MTDH: variants seen among roughly 807,000 people sequenced by gnomAD.
The protein encoded by MTDH is protein LYRIC.
Under a neutral mutation model 72.7 loss-of-function variants are expected in MTDH, and 34 were observed. The ratio of observed to expected loss-of-function variants is 0.47; its 90% confidence interval spans 0.36 to 0.62. MTDH has a LOEUF of 0.62. Among genes scored for constraint, MTDH ranks in the 20% least tolerant of loss-of-function variants. MTDH has a pLI of 0.00. For synonymous variants in MTDH, 266 were observed against 268.9 expected (o/e 0.99, Z 0.10); for missense variants, 677 against 699.4 (o/e 0.97, Z 0.36).
At chr8:97,684,039 A>C (rs955801628) in intron 2 of MTDH, among the ~76,000 whole-genome samples, 1 of 149,822 alleles carries the variant, frequency 6.7e-6, no homozygotes, top group Non-Finnish European at 1.5e-5. Flanking sequence ...TGAACCCAGG[A>C]GGCAGGAGAA....
chr8:97,685,310 T>C (rs904485536), intron 2 of MTDH, among the ~76,000 whole-genome samples: 4 of 152,052 alleles, frequency 2.6e-5, no homozygotes, highest in African/African-American at 7.2e-5. Context: ...TGCAGCAAAA[T>C]GAACAATGCA....
rs1352162316 is a variant in MTDH at position 97,724,678 on chromosome 8, T to C, written c.*8T>C. 1 of 1,586,270 alleles carries C rather than the reference T, an allele frequency of 6.3e-7. No individual in the cohort carries two copies. Among genetic ancestry groups the C allele is most frequent in the East Asian group, 2.3e-5 (1 of 44,344 alleles). The stretch of plus-strand genomic sequence containing the variant: ...GCCAGACGAGAAACGTGAAATTTTT[T>C]TTCCTGAATTGGACATGTGTTTGCA... On this transcript the variant is annotated 3_prime_UTR_variant, in exon 12 of 12. Coordinates refer to ENST00000336273, the MANE Select transcript of MTDH (RefSeq NM_178812.4).
chr8:97,687,490 G>C lies in MTDH; in HGVS notation c.630G>C (p.Val210=). 6.2e-7 allele frequency: 1 copy of C among 1,613,536 alleles called. No individual in the cohort carries two copies. Reference sequence around the variant, plus strand: ...GACAGCAGCGTAAACGTGATAAGGTGCTGACTGATTCTGGTTCATTGGATT... The same window carrying C: ...GACAGCAGCGTAAACGTGATAAGGTCCTGACTGATTCTGGTTCATTGGATT... ...EKRQQRKRDK[V]LTDSGSLDST... is the part of the protein sequence containing the mutation. The change falls in exon 4 of 12, where the codon GTG becomes GTC. Residue 210 remains valine (V), a synonymous_variant. Transcript: ENST00000336273.
intron 1 of MTDH, among the ~76,000 whole-genome samples, chr8:97,657,126 C>A (rs1812009382): frequency 6.6e-6 from 1 of 152,108 alleles, no homozygotes; most frequent in East Asian, 1.9e-4. Context: ...CCAGCACATA[C>A]ATACAAAGTG....
chr8:97,673,141 A>G (rs540563574), intron 2 of MTDH, among the ~76,000 whole-genome samples: 5 of 152,332 alleles, frequency 3.3e-5, no homozygotes, highest in Admixed American at 6.5e-5. Context: ...TGATAAAACA[A>G]GAGCCCCTAC....
chr8:97,692,661 G>A (rs189428740), intron 6 of MTDH, among the ~76,000 whole-genome samples: 29 of 152,038 alleles, frequency 1.9e-4, no homozygotes, highest in African/African-American at 6.3e-4. Flanking sequence ...TACAGGCCAC[G>A]GCGCCCAGCC....
intron 2 of MTDH, among the ~76,000 whole-genome samples, chr8:97,678,594 C>CTTTTTTTTTTTTTTTTTTTTTTTTT (rs35895126): frequency 3.5e-5 from 3 of 85,324 alleles, no homozygotes; most frequent in South Asian, 5.1e-4. Context: ...TTCCTTCCTT[C>CTTTTTTTTTTTTTTTTTTTTTTTTT]TTTTTTTTTT....
At chr8:97,679,320 A>G (rs1249261182) in intron 2 of MTDH, among the ~76,000 whole-genome samples, 1 of 152,222 alleles carries the variant, frequency 6.6e-6, no homozygotes. Context: ...GGTAATAACA[A>G]GAACAAAATG....
At chr8:97,723,100 C>A in intron 11 of MTDH, 65 bp downstream of exon 11, 1 of 1,532,206 alleles carries the variant, frequency 6.5e-7, no homozygotes, top group Non-Finnish European at 8.8e-7. Context: ...AGGTTCTGAT[C>A]TTAAAAGTCT....
chr8:97,646,266 G>C (rs1811560235), intron 1 of MTDH, among the ~76,000 whole-genome samples: 1 of 152,188 alleles, frequency 6.6e-6, no homozygotes, highest in Non-Finnish European at 1.5e-5. Context: ...CGTTTTGCCT[G>C]CTGATTAAGA....
intron 6 of MTDH, among the ~76,000 whole-genome samples, chr8:97,693,045 ATTTC>A (rs1345424939): frequency 1.1e-4 from 16 of 151,764 alleles, no homozygotes; most frequent in Non-Finnish European, 4.4e-5. Context: ...TTTTGCGGTT[ATTTC>A]TTAAGGACAG....
chr8:97,648,570 T>G (rs1000359937), intron 1 of MTDH, among the ~76,000 whole-genome samples: 1 of 151,858 alleles, frequency 6.6e-6, no homozygotes, highest in African/African-American at 2.4e-5. Context: ...CATAGCTCAC[T>G]GCATCCTCAA....
intron 2 of MTDH, among the ~76,000 whole-genome samples, chr8:97,663,964 A>G (rs976951513): frequency 3.9e-5 from 6 of 152,100 alleles, no homozygotes; most frequent in African/African-American, 9.7e-5. Flanking sequence ...GCCTTGTATT[A>G]TTTCTAATCC....
intron 2 of MTDH, among the ~76,000 whole-genome samples, chr8:97,671,362 A>AAC (rs1374694569): frequency 6.6e-6 from 1 of 152,204 alleles, no homozygotes; most frequent in African/African-American, 2.4e-5. Context: ...ATTGAATACA[A>AAC]ACACAGATAT....
At chr8:97,647,383 G>T (rs2130905236) in intron 1 of MTDH, among the ~76,000 whole-genome samples, 1 of 152,298 alleles carries the variant, frequency 6.6e-6, no homozygotes, top group South Asian at 2.1e-4. Context: ...GCAATATAGT[G>T]AGACCTCATC....
chr8:97,670,832 C>G (rs1478312566), intron 2 of MTDH, among the ~76,000 whole-genome samples: 1 of 151,996 alleles, frequency 6.6e-6, no homozygotes, highest in Non-Finnish European at 1.5e-5. Flanking sequence ...TCTCGGGTCA[C>G]TGCAACCTCC....
rs34861225 is a variant in MTDH, at chr8:97,692,378, C to CTT, written c.1048+1199_1048+1200dup. On this transcript the variant is annotated intron_variant, in intron 6 of 11. Transcript: ENST00000336273. Reference sequence around the variant, plus strand: ...CCATATTATTCAAGAAGTAATTTTCCTTTTTTTTTTGAGATGGAGTCTCAC... The same window carrying CTT: ...CCATATTATTCAAGAAGTAATTTTCCTTTTTTTTTTTTGAGATGGAGTCTCAC... Among the ~76,000 whole-genome samples, 497 of 147,940 alleles carry CTT rather than the reference C, an allele frequency of 3.4e-3. 3 individuals carry two copies. The highest frequency in any genetic ancestry group is 0.012 in the African/African-American group (475 of 40,580).
At chr8:97,687,000 T>A (rs533593681) in intron 3 of MTDH, among the ~76,000 whole-genome samples, 2 of 152,282 alleles carry the variant, frequency 1.3e-5, no homozygotes, top group East Asian at 3.9e-4. Context: ...AATTAAAAAG[T>A]CATTCATCTT....
intron 7 of MTDH, among the ~76,000 whole-genome samples, chr8:97,703,908 A>G (rs1814241821): frequency 6.6e-6 from 1 of 152,198 alleles, no homozygotes; most frequent in Non-Finnish European, 1.5e-5. Flanking sequence ...AGAGCCCATT[A>G]AGAAACTTGA....
Sources: gnomAD v4.1 joint callset for allele counts (sites outside exome capture counted in the v4.1 genomes callset) on GRCh38, gnomAD v4.1.1 for gene constraint, MANE v1.5 for transcripts, NCBI Gene and HGNC (gene_info 2026-07-23, HGNC 2026-07-21) for gene names.